The following PRMT2 variants were observed in gnomAD, a reference collection of about 807,000 sequenced individuals.
The protein encoded by PRMT2 is protein arginine N-methyltransferase 2.
A neutral mutation model predicts 57.6 loss-of-function variants in PRMT2; 26 were observed. The ratio of observed to expected loss-of-function variants is 0.45; its 90% CI spans 0.33 to 0.63. PRMT2 has a LOEUF of 0.63. Among genes scored for constraint, PRMT2 ranks in the 20% least tolerant of loss-of-function variants. The pLI, the probability that PRMT2 is intolerant of heterozygous loss-of-function variation, is 0.02. For missense variants in PRMT2, 472 were observed against 564.4 expected (o/e 0.84, Z 1.66); for synonymous variants, 219 against 220.0 (o/e 1.00, Z 0.04).
rs972235780 is a variant in PRMT2, at chr21:46,664,474, C to T, written c.*147C>T. ...GACCCCTCCCTAGCCTGGCAGGTGA[C>T]GTCAGGGTCCTTCACAGACAAACAC... On this transcript the variant is annotated 3_prime_UTR_variant, in exon 12 of 12. Coordinates refer to ENST00000355680, the MANE Select transcript of PRMT2 (RefSeq NM_206962.4). The T allele has an allele frequency of 7.7e-6, 8 of 1,035,382 alleles. No homozygotes were observed. The highest frequency in any genetic ancestry group is 6.3e-5 in the African/African-American group (4 of 63,314). The allele number at this position is 1,035,382 out of a possible 1,614,324, so 64.1% of individuals were successfully genotyped here.
chr21:46,643,503 C>A, intron 3 of PRMT2, 32 bp from the exon 4 acceptor site: 1 of 1,458,324 alleles, frequency 6.9e-7, no homozygotes, highest in Admixed American at 2.6e-5. Context: ...GCTCCAGCGT[C>A]CTCTCCTCAC....
At chr21:46,654,260 T>A in intron 7 of PRMT2, 1 of 445,918 alleles carries the variant, frequency 2.2e-6, no homozygotes, top group Non-Finnish European at 3.0e-6. Context: ...ATATGATCAT[T>A]AAAAATTATG....
At chr21:46,650,515 C>T (rs1468407628) in intron 7 of PRMT2, among the ~76,000 whole-genome samples, 3 of 152,176 alleles carry the variant, frequency 2.0e-5, no homozygotes, top group Non-Finnish European at 2.9e-5. Context: ...TAAATAGACT[C>T]AATGTCCATG....
In PRMT2 at chr21:46,664,817, G is replaced by A. The variant is rs947193965; in HGVS notation, c.*490G>A. Reference sequence around the variant, plus strand: ...GTGTAGGGAACACTGCCCTGGCTCAGCGTGCGAGCTAAGGTGGTGATGTAT... The same window carrying A: ...GTGTAGGGAACACTGCCCTGGCTCAACGTGCGAGCTAAGGTGGTGATGTAT... On this transcript the variant is annotated 3_prime_UTR_variant, in exon 12 of 12. Transcript: ENST00000355680. 1 of 182,070 alleles carries A rather than the reference G, an allele frequency of 5.5e-6. No individual in the cohort carries two copies. The highest frequency in any genetic ancestry group is 2.3e-5 in the African/African-American group (1 of 43,464). The allele number at this position is 182,070 out of a possible 1,614,324, so 11.3% of individuals were successfully genotyped here. A position where few individuals can be genotyped will look rare whatever the true frequency, so the allele number is the denominator to read the frequency against.
At position 46,649,141 on chromosome 21, in the gene PRMT2, C is replaced by T. The variant is rs763779983; in HGVS notation, c.490-434C>T. Among the ~76,000 whole-genome samples, 2 of 152,150 alleles carry T rather than the reference C, an allele frequency of 1.3e-5. No individual in the cohort carries two copies. Among genetic ancestry groups the T allele is most frequent in the Non-Finnish European group, 2.9e-5 (2 of 68,022 alleles). ...CCACCCAAGTCCAGGCTCTGCAGGA[C>T]CCAGGACCCAGCGCTTGGGTGCTTC... On this transcript the variant is annotated intron_variant, in intron 6 of 11. Transcript: ENST00000355680. This position sits in a 1 kb window ranked among gnomAD's most constrained non-coding sequence, Gnocchi z 4.8.
rs750799941 is a variant in PRMT2 at position 46,663,386 on chromosome 21, C to T, written c.1101C>T (p.Thr367=). The part of the protein sequence containing the change: ...QVLSTGPFHP[T]THWKQTLFMM... ...CACACGCACCCCTGTCTTGCAGCACCACACACTGGAAGCAGACGCTGTTCA... is the reference window on the plus strand; with the variant it reads ...CACACGCACCCCTGTCTTGCAGCACTACACACTGGAAGCAGACGCTGTTCA... Residue 367 remains threonine, a synonymous_variant, in exon 11 of 12, where the codon ACC becomes ACT. Coordinates refer to ENST00000355680, the MANE Select transcript of PRMT2 (RefSeq NM_206962.4). The T allele has an allele frequency of 3.1e-6, 5 of 1,611,476 alleles. No homozygotes were observed. Among genetic ancestry groups the T allele is most frequent in the South Asian group, 1.1e-5 (1 of 90,952 alleles).
At chr21:46,661,239 C>A in intron 9 of PRMT2, 2 of 256,448 alleles carry the variant, frequency 7.8e-6, no homozygotes, top group East Asian at 7.7e-5. Flanking sequence ...TTCTCAGCAT[C>A]TTCAAAATCA....
chr21:46,663,170 A>T (rs924677983), intron 10 of PRMT2, among the ~76,000 whole-genome samples: 3 of 152,210 alleles, frequency 2.0e-5, no homozygotes, highest in African/African-American at 7.2e-5. Flanking sequence ...TGTATCCCAT[A>T]GAGTCCCTTT....
intron 7 of PRMT2, chr21:46,656,736 T>C (rs1310952684): frequency 1.3e-5 from 2 of 152,048 alleles, no homozygotes; most frequent in African/African-American, 4.8e-5. Context: ...CTTGAAAAAA[T>C]CATAGAAAAT....
At chr21:46,651,916 T>C in intron 7 of PRMT2, 2 of 1,613,198 alleles carry the variant, frequency 1.2e-6, no homozygotes, top group Non-Finnish European at 1.7e-6. Context: ...CGTCTGTCCC[T>C]CTTCATGTCC....
chr21:46,638,204 C>A (rs539146781), intron 3 of PRMT2, among the ~76,000 whole-genome samples: 1 of 152,262 alleles, frequency 6.6e-6, no homozygotes, highest in South Asian at 2.1e-4. Context: ...TGTAGCTTGC[C>A]TCTTCATATA....
At position 46,664,402 on chromosome 21, in the gene PRMT2, G is replaced by GGCTTC; in HGVS notation, c.*76_*80dup. On this transcript the variant is annotated 3_prime_UTR_variant, in exon 12 of 12. Transcript: ENST00000355680. ...AACACAAGCAAACCAAGTTGCACCT[G>GGCTTC]GCTTCTGCACACTCCTGCGAAAGTC... 1 of 1,580,810 alleles carries GGCTTC rather than the reference G, an allele frequency of 6.3e-7. No homozygotes were observed. Among genetic ancestry groups the GGCTTC allele is most frequent in the Non-Finnish European group, 8.7e-7 (1 of 1,150,662 alleles).
Position 46,663,549 on chromosome 21 carries a change from C to G in PRMT2, c.1264C>G (p.Gln422Glu), listed in dbSNP as rs779522429. The change falls in exon 11 of 12, where the codon CAA (glutamine) becomes GAA (glutamate). Residue 422 changes from glutamine (Q) to glutamate (E), a missense_variant. This residue lies in a region of PRMT2 where 229 missense variants were observed against 217.2 expected (regional missense o/e 1.05). Transcript: ENST00000355680. ...CACTTCCAGACAAGACCCCACATCTCAAAAAGTAAGATACGTAGTTGTAAG... is the reference window on the plus strand; with the variant it reads ...CACTTCCAGACAAGACCCCACATCTGAAAAAGTAAGATACGTAGTTGTAAG... ...AVTSRQDPTSQKVGEKVFPIW... is the reference protein window; with the variant it reads ...AVTSRQDPTSEKVGEKVFPIW... 2 of 1,613,308 alleles carry G rather than the reference C, an allele frequency of 1.2e-6. No individual in the cohort carries two copies.
At chr21:46,636,810 G>T in intron 2 of PRMT2, 86 bp from the exon 3 acceptor site, 1 of 696,252 alleles carries the variant, frequency 1.4e-6, no homozygotes. Flanking sequence ...TTTGGTAGAG[G>T]ACATCATGCA....
intron 11 of PRMT2, 57 bp from the exon 12 acceptor site, chr21:46,664,238 G>C: frequency 1.4e-6 from 2 of 1,390,400 alleles, no homozygotes; most frequent in Admixed American, 3.4e-5. Flanking sequence ...AGGAAATGTA[G>C]TATGTTAATC....
At position 46,660,867 on chromosome 21, in the gene PRMT2, A is replaced by C; in HGVS notation, c.865A>C (p.Lys289Gln). ...LAVKEFFSKP[K>Q]YNHILKPEDC... is the part of the protein sequence containing the mutation. ...AGTTAAGGAGTTTTTTTCAAAGCCC[A>C]AGTATAACCACATTTTGAAACCAGA... The change falls in exon 9 of 12, where the codon AAG (lysine) becomes CAG (glutamine). Residue 289 changes from lysine (K) to glutamine (Q), a missense_variant. Physicochemically the swap from Lys to Gln is moderately conservative, Grantham distance 53. Around this residue, in one of 2 missense-constraint regions of PRMT2, gnomAD observed 229 missense variants for 217.2 expected, o/e 1.05. Coordinates refer to ENST00000355680, the MANE Select transcript of PRMT2 (RefSeq NM_206962.4). 1 of 1,613,850 alleles carries C rather than the reference A, an allele frequency of 6.2e-7. No homozygotes were observed. Among genetic ancestry groups the C allele is most frequent in the Non-Finnish European group, 8.5e-7 (1 of 1,179,780 alleles).
At chr21:46,662,780 A>G (rs558097023) in intron 10 of PRMT2, among the ~76,000 whole-genome samples, 22 of 152,272 alleles carry the variant, frequency 1.4e-4, no homozygotes, top group Admixed American at 3.3e-4. Context: ...GATGTTTCCA[A>G]CGCAACCCAG....
chr21:46,650,238 C>T (rs1452766774), intron 7 of PRMT2, among the ~76,000 whole-genome samples: 4 of 151,870 alleles, frequency 2.6e-5, no homozygotes, highest in African/African-American at 4.8e-5. Context: ...CCTGCACAAA[C>T]GCTGTCTGCT....
Position 46,664,514 on chromosome 21 carries a change from G to GCTCCTGCC in PRMT2, c.*187_*188insCTCCTGCC. On this transcript the variant is annotated 3_prime_UTR_variant, in exon 12 of 12. Coordinates refer to ENST00000355680, the MANE Select transcript of PRMT2 (RefSeq NM_206962.4). ...CAGACAAACACGCTTGGGCTCGGCA[G>GCTCCTGCC]GAGCTGCCGTGGCCACCCCCGCTGC... 1 of 725,164 alleles carries GCTCCTGCC rather than the reference G, an allele frequency of 1.4e-6. No homozygotes were observed. Among genetic ancestry groups the GCTCCTGCC allele is most frequent in the Non-Finnish European group, 2.3e-6 (1 of 427,302 alleles). 44.9% of individuals were successfully genotyped at this position (725,164 alleles called of 1,614,324 possible).
Sources: allele counts gnomAD v4.1 joint callset (sites outside exome capture counted in the v4.1 genomes callset), GRCh38; gene constraint gnomAD v4.1.1; regional missense constraint gnomAD v4.1.1; non-coding constraint Gnocchi (gnomAD v3.1); transcripts MANE v1.5; gene names NCBI Gene and HGNC (gene_info 2026-07-23, HGNC 2026-07-21).